Variants in GRIP1 observed in about 807,000 individuals in gnomAD.
GRIP1 encodes glutamate receptor interacting protein 1, also known as glutamate receptor-interacting protein 1.
GRIP1 carries 45 observed loss-of-function variants against 129.9 expected under a neutral mutation model. That is an observed-to-expected ratio of 0.35 (90% CI 0.27 to 0.44). GRIP1 has a LOEUF of 0.44. GRIP1 is among the 20% of genes least tolerant of loss of function. The probability of loss-of-function intolerance (pLI) is 1.00; values close to 1 mark genes in which losing one functional copy is unlikely to be tolerated. For synonymous variants in GRIP1, 530 were observed against 520.8 expected (o/e 1.02, Z -0.24); for missense variants, 1,196 against 1,396.8 (o/e 0.86, Z 2.29).
intron 1 of GRIP1, among the ~76,000 whole-genome samples, chr12:66,953,748 G>A (rs1361324153): frequency 6.6e-6 from 1 of 151,982 alleles, no homozygotes; most frequent in Non-Finnish European, 1.5e-5. Context: ...TAGGAAAAAT[G>A]TAAAAAAAGA....
intron 1 of GRIP1, among the ~76,000 whole-genome samples, chr12:66,699,087 G>A (rs1339792222): frequency 6.6e-6 from 1 of 152,014 alleles, no homozygotes; most frequent in Non-Finnish European, 1.5e-5. Flanking sequence ...TACCACATGT[G>A]TCCCACAAGC....
At chr12:66,804,365 T>C (rs900948162), upstream of GRIP1, among the ~76,000 whole-genome samples, 4 of 151,464 alleles carry the variant, frequency 2.6e-5, no homozygotes, top group Non-Finnish European at 5.9e-5. Flanking sequence ...GGAAAGAAAA[T>C]AATAGCGATA....
intron 7 of GRIP1, among the ~76,000 whole-genome samples, chr12:66,494,463 T>C (rs1202153992): frequency 1.3e-5 from 2 of 152,206 alleles, no homozygotes; most frequent in African/African-American, 4.8e-5. Flanking sequence ...CTTCTGTGAG[T>C]ATAATGTCAG....
At chr12:66,570,816 C>T (rs1004775873) in intron 2 of GRIP1, 3 of 152,126 alleles carry the variant, frequency 2.0e-5, no homozygotes, top group African/African-American at 7.2e-5. Context: ...TGAGGCGGCA[C>T]AAAACCTAGA....
At chr12:67,064,044 G>A (rs2043580615) in intron 1 of GRIP1, among the ~76,000 whole-genome samples, 1 of 152,110 alleles carries the variant, frequency 6.6e-6, no homozygotes, top group Non-Finnish European at 1.5e-5. Flanking sequence ...TGCAATAATG[G>A]CAAGTCTTTG....
chr12:66,457,748 G>GA (rs968488824), intron 9 of GRIP1, among the ~76,000 whole-genome samples: 5 of 151,326 alleles, frequency 3.3e-5, no homozygotes, highest in South Asian at 4.2e-4. Context: ...AACAGGACAT[G>GA]AAAAAAAAAG....
intron 1 of GRIP1, among the ~76,000 whole-genome samples, chr12:66,693,778 C>T (rs1423835363): frequency 6.6e-6 from 1 of 152,094 alleles, no homozygotes; most frequent in Non-Finnish European, 1.5e-5. Flanking sequence ...TTCATTAGAT[C>T]ACTATTGTAT....
Position 66,474,267 on chromosome 12 carries a change from G to A in GRIP1, c.725-8845C>T, listed in dbSNP as rs976341449. ...TCAGCTTAATGAAATAAAGTGTGAA[G>A]ACAAGATTAGAGGAAAAATAATAAG... On this transcript the variant is annotated intron_variant, in intron 7 of 24. Transcript: ENST00000359742. Among the ~76,000 whole-genome samples the A allele has an allele frequency of 2.0e-5, 3 of 152,012 alleles. No individual in the cohort carries two copies. In the East Asian group the frequency reaches 5.8e-4, roughly 30 times the overall value.
At chr12:66,854,729 C>T (rs2137091341) in intron 1 of GRIP1, among the ~76,000 whole-genome samples, 1 of 152,108 alleles carries the variant, frequency 6.6e-6, no homozygotes, top group South Asian at 2.1e-4. Context: ...CCATGTTGCA[C>T]AAAATCCAAA....
At chr12:66,547,116 T>A (rs964613801) in intron 2 of GRIP1, among the ~76,000 whole-genome samples, 1 of 151,088 alleles carries the variant, frequency 6.6e-6, no homozygotes, top group Non-Finnish European at 1.5e-5. Context: ...ACATGAAATA[T>A]TTTATTAAAG....
At chr12:66,617,085 T>TTGTGTGTGTG (rs71436017) in intron 1 of GRIP1, among the ~76,000 whole-genome samples, 9,211 of 135,292 alleles carry the variant, frequency 0.068, 408 homozygotes, top group Middle Eastern at 0.093. Context: ...AACAGACGTT[T>TTGTGTGTGTG]TGTGTGTGTG....
intron 1 of GRIP1, among the ~76,000 whole-genome samples, chr12:66,736,449 ATT>A (rs2036606324): frequency 7.2e-6 from 1 of 139,638 alleles, no homozygotes; most frequent in Non-Finnish European, 1.5e-5. Context: ...CAATTAACAT[ATT>A]TTTGTATAAG....
intron 23 of GRIP1, among the ~76,000 whole-genome samples, chr12:66,364,284 A>G (rs1334998960): frequency 6.7e-6 from 1 of 148,428 alleles, no homozygotes; most frequent in African/African-American, 2.5e-5. Flanking sequence ...AAAAAAAAAA[A>G]AAAAAAGAAA....
intron 1 of GRIP1, among the ~76,000 whole-genome samples, chr12:66,668,150 C>T (rs980008528): frequency 1.6e-4 from 25 of 152,284 alleles, no homozygotes; most frequent in African/African-American, 5.8e-4. Flanking sequence ...TAGATTTTAA[C>T]ATTTGGAAGG....
At chr12:67,064,878 A>C (rs916124293) in intron 1 of GRIP1, 39 of 149,294 alleles carry the variant, frequency 2.6e-4, no homozygotes, top group Admixed American at 2.6e-3. Context: ...CATTAGGTAT[A>C]TCTCCCAATG....
intron 1 of GRIP1, among the ~76,000 whole-genome samples, chr12:66,723,315 TTTTTTTTTTTTTTTTG>T (rs1388721321): frequency 6.7e-4 from 62 of 92,590 alleles, no homozygotes; most frequent in African/African-American, 3.0e-3. Context: ...TTTTTTTTTT[TTTTTTTTTTTTTTTTG>T]AGACAGAGTC....
intron 1 of GRIP1, among the ~76,000 whole-genome samples, chr12:66,846,191 C>A (rs2039812002): frequency 6.6e-6 from 1 of 152,150 alleles, no homozygotes; most frequent in Non-Finnish European, 1.5e-5. Flanking sequence ...CTACTCTATA[C>A]CCTCCTTCTT....
chr12:66,647,383 C>T (rs1336294945), intron 1 of GRIP1: 2 of 152,176 alleles, frequency 1.3e-5, no homozygotes, highest in Admixed American at 6.5e-5. Context: ...TATACGACAT[C>T]ATAATACATA....
chr12:66,734,609 T>C lies in GRIP1; in HGVS notation c.-420+69444A>G, dbSNP rs1340808787. On this transcript the variant is annotated intron_variant, in intron 1 of 4. Transcript: ENST00000538373. Reference sequence around the variant, plus strand: ...GTATACAGATCTATGATGGAATGATTTGTGAGGAACAAGATATTTTAAGAT... The same window carrying C: ...GTATACAGATCTATGATGGAATGATCTGTGAGGAACAAGATATTTTAAGAT... Among the ~76,000 whole-genome samples the C allele has an allele frequency of 2.6e-5, 4 of 152,170 alleles. No individual in the cohort carries two copies. In the East Asian group the frequency reaches 7.7e-4, roughly 29 times the overall value.
Sources: gnomAD v4.1 joint callset for allele counts (sites outside exome capture counted in the v4.1 genomes callset) on GRCh38, gnomAD v4.1.1 for gene constraint, MANE v1.5 for transcripts, NCBI Gene and HGNC (gene_info 2026-07-23, HGNC 2026-07-21) for gene names.